Variants in COL9A1 observed in about 807,000 individuals in gnomAD.
COL9A1 encodes the protein collagen alpha-1(IX) chain.
COL9A1 carries 104 observed loss-of-function variants against 142.6 expected under a neutral mutation model. The ratio of observed to expected loss-of-function variants is 0.73; its 90% confidence interval spans 0.62 to 0.86. The LOEUF is 0.86. Ranked by LOEUF, COL9A1 falls within the 40% of genes least tolerant of loss-of-function variation. The pLI, the probability that COL9A1 is intolerant of heterozygous loss-of-function variation, is 0.00. For synonymous variants in COL9A1, 466 were observed against 396.0 expected (o/e 1.18, Z -2.10); for missense variants, 1,210 against 1,176.6 (o/e 1.03, Z -0.42).
At chr6:70,226,111 C>A in intron 36 of COL9A1, 102 bp from the exon 37 acceptor site, 1 of 1,010,266 alleles carries the variant, frequency 9.9e-7, no homozygotes, top group South Asian at 1.4e-5. Context: ...ACCAAAAGGT[C>A]ATGAAATTGC....
At chr6:70,238,433 T>C (rs1267867265) in intron 33 of COL9A1, among the ~76,000 whole-genome samples, 3 of 152,206 alleles carry the variant, frequency 2.0e-5, no homozygotes, top group African/African-American at 7.2e-5. Context: ...TTAGTTTCTA[T>C]AAAAATGACA....
At chr6:70,272,198 A>T in intron 12 of COL9A1, 110 bp from the exon 13 acceptor site, 1 of 851,514 alleles carries the variant, frequency 1.2e-6, no homozygotes, top group Non-Finnish European at 1.8e-6. Flanking sequence ...ACTAAAAATG[A>T]TGCTCATTCT....
intron 5 of COL9A1, among the ~76,000 whole-genome samples, chr6:70,293,207 A>G (rs1773719420): frequency 6.6e-6 from 1 of 152,174 alleles, no homozygotes; most frequent in South Asian, 2.1e-4. Context: ...GAGAGAGAGA[A>G]AGAGAGGTTG....
chr6:70,274,413 C>T (rs188831714), intron 11 of COL9A1, among the ~76,000 whole-genome samples: 1 of 152,092 alleles, frequency 6.6e-6, no homozygotes, highest in East Asian at 1.9e-4. Flanking sequence ...CTTCATGTGT[C>T]CATGTGTTCT....
chr6:70,262,940 G>C (rs1771783467), intron 19 of COL9A1, among the ~76,000 whole-genome samples: 1 of 152,042 alleles, frequency 6.6e-6, no homozygotes. Flanking sequence ...GAACATAAAA[G>C]ATGAGTATCA....
chr6:70,294,290 A>G lies in COL9A1; in HGVS notation c.573T>C (p.Ser191=), dbSNP rs1773765161. ...HKIMIGVERS[S]ATLFVDCNRI... ...TGTTGCAGTCAACAAAAAGAGTAGC[A>G]CTACTCCTCTCCACGCCAATCATGA... Residue 191 remains serine (S), a synonymous_variant, in exon 5 of 38, where the codon AGT becomes AGC. Coordinates refer to ENST00000357250, the MANE Select transcript of COL9A1 (RefSeq NM_001851.6). The G allele has an allele frequency of 6.2e-7, 1 of 1,614,076 alleles. No homozygotes were observed. Among genetic ancestry groups the G allele is most frequent in the African/African-American group, 1.3e-5 (1 of 75,036 alleles).
intron 36 of COL9A1, among the ~76,000 whole-genome samples, chr6:70,230,962 A>G (rs560892177): frequency 2.0e-5 from 3 of 152,306 alleles, no homozygotes; most frequent in Non-Finnish European, 1.5e-5. Flanking sequence ...CCTGTTAACC[A>G]AAGAAAATAG....
rs1381300078 is a variant in COL9A1 at position 70,294,541 on chromosome 6, G to T, written c.322C>A (p.Pro108Thr). ...PTRNLYPSGL[P>T]EEYSFLTTFR... is the part of the protein sequence containing the mutation. ...GTCGTCAAGAAGGAGTATTCTTCAG[G>T]CAGTCCACTGGGATATAAATTCCTG... The change falls in exon 5 of 38, where the codon CCT becomes ACT. Residue 108 changes from proline (P) to threonine (T), a missense_variant. Transcript: ENST00000357250. 2 of 1,613,912 alleles carry T rather than the reference G, an allele frequency of 1.2e-6. No individual in the cohort carries two copies. The highest frequency in any genetic ancestry group is 1.7e-5 in the Admixed American group (1 of 60,004).
chr6:70,234,903 T>G lies in COL9A1; in HGVS notation c.2150A>C (p.Glu717Ala), dbSNP rs955449925. ...CACTCCAGGAAGCCCCCGACTTCCC[T>G]CAGGCCCTCTCAAGCCAGGTTCCCC... ...NPGEPGLRGP[E>A]GSRGLPGVEG... Residue 717 changes from glutamate (E) to alanine (A), a missense_variant, in exon 34 of 38, where the codon GAG (glutamate) becomes GCG (alanine). Physicochemically the swap from Glu to Ala is moderately radical, Grantham distance 107. Coordinates refer to ENST00000357250, the MANE Select transcript of COL9A1 (RefSeq NM_001851.6). The G allele has an allele frequency of 1.9e-6, 3 of 1,614,106 alleles. No homozygotes were observed. The Admixed American group carries it at 5.0e-5, about 27-fold the overall frequency.
intron 10 of COL9A1, chr6:70,280,328 AT>A (rs1773065342): frequency 4.2e-6 from 5 of 1,203,686 alleles, no homozygotes; most frequent in Non-Finnish European, 5.2e-6. Context: ...ATTCCTTGGG[AT>A]TTAGGAGTGC....
chr6:70,302,046 T>C lies in COL9A1; in HGVS notation c.43A>G (p.Ser15Gly), dbSNP rs751663249. Residue 15 changes from serine (S) to glycine (G), a missense_variant, in exon 2 of 38, where the codon AGT becomes GGT. Transcript: ENST00000357250. ...WKIPVFFFVC[S>G]FLEPWASAAV... ...GCAGATGCCCAGGGTTCCAGGAAAC[T>C]GCACACAAAGAAGAAAACTGGAATT... 13 of 1,611,740 alleles carry C rather than the reference T, an allele frequency of 8.1e-6. No individual in the cohort carries two copies. Among genetic ancestry groups the C allele is most frequent in the Non-Finnish European group, 9.3e-6 (11 of 1,179,226 alleles).
chr6:70,230,052 A>T (rs1284093640), intron 36 of COL9A1, among the ~76,000 whole-genome samples: 4 of 152,184 alleles, frequency 2.6e-5, no homozygotes, highest in African/African-American at 9.7e-5. Flanking sequence ...GATTCATACC[A>T]TCCCTTCTTT....
rs564919208 is a variant in COL9A1, at chr6:70,242,710, A to T, written c.1878T>A (p.Ser626Arg). ...GPRGPQGLPGSRGELGPVGSP... is the reference protein window; with the variant it reads ...GPRGPQGLPGRRGELGPVGSP... ...ATCCCACTGGTCCTAATTCTCCTCT[A>T]CTGCCCTGTAAAAACACAAACATTG... is the stretch of plus-strand genomic sequence containing the variant. Residue 626 changes from serine to arginine, a missense_variant, in exon 29 of 38, where the codon AGT (serine) becomes AGA (arginine). Ser to Arg is a moderately radical substitution (Grantham distance 110). Coordinates refer to ENST00000357250, the MANE Select transcript of COL9A1 (RefSeq NM_001851.6). The T allele has an allele frequency of 6.2e-7, 1 of 1,613,872 alleles. No individual in the cohort carries two copies. The highest frequency in any genetic ancestry group is 8.5e-7 in the Non-Finnish European group (1 of 1,179,866).
At chr6:70,242,544 A>G (rs1770329578) in intron 29 of COL9A1, 118 bp downstream of exon 29, 1 of 908,444 alleles carries the variant, frequency 1.1e-6, no homozygotes, top group African/African-American at 1.6e-5. Flanking sequence ...TCTCATATTC[A>G]CATAACAAGA....
chr6:70,242,110 G>A (rs1770295723), intron 29 of COL9A1, 75 bp from the exon 30 acceptor site: 1 of 1,290,210 alleles, frequency 7.8e-7, no homozygotes, highest in Admixed American at 2.0e-5. Context: ...AAACAACCTT[G>A]GGTGTGTTGA....
At chr6:70,223,425 T>C (rs1050365777) in intron 37 of COL9A1, among the ~76,000 whole-genome samples, 8 of 152,210 alleles carry the variant, frequency 5.3e-5, no homozygotes, top group African/African-American at 1.9e-4. Flanking sequence ...AGAAATTAAG[T>C]AAAATGCCCA....
At chr6:70,266,080 G>A (rs775139677) in intron 18 of COL9A1, among the ~76,000 whole-genome samples, 5 of 152,256 alleles carry the variant, frequency 3.3e-5, no homozygotes, top group South Asian at 2.1e-4. Context: ...TACACTAGTG[G>A]ATGAAAAGAG....
chr6:70,277,172 A>G (rs1182697860), intron 10 of COL9A1, among the ~76,000 whole-genome samples: 1 of 152,166 alleles, frequency 6.6e-6, no homozygotes, highest in Non-Finnish European at 1.5e-5. Flanking sequence ...TGCTTATCTC[A>G]TATGGGTGTT....
chr6:70,243,628 A>G (rs1383546973), intron 28 of COL9A1, among the ~76,000 whole-genome samples: 1 of 152,132 alleles, frequency 6.6e-6, no homozygotes. Flanking sequence ...CCCAGGTTCA[A>G]GTGATTCTCC....
Sources: allele counts gnomAD v4.1 joint callset (sites outside exome capture counted in the v4.1 genomes callset), GRCh38; gene constraint gnomAD v4.1.1; transcripts MANE v1.5; gene names NCBI Gene and HGNC (gene_info 2026-07-23, HGNC 2026-07-21).